The following NKAIN3 variants were observed in gnomAD, a reference collection of about 807,000 sequenced individuals.
The protein encoded by NKAIN3 is sodium/potassium transporting ATPase interacting 3, also known as sodium/potassium-transporting ATPase subunit beta-1-interacting protein 3.
A neutral mutation model predicts 30.2 loss-of-function variants in NKAIN3; 25 were observed. The observed-to-expected ratio is 0.83, with a 90% CI of 0.60 to 1.16. The LOEUF (loss-of-function observed/expected upper bound fraction) is 1.16. NKAIN3 is among the 50% of genes most tolerant of loss of function. The pLI is 0.00. For synonymous variants in NKAIN3, 91 were observed against 89.6 expected (o/e 1.02, Z -0.09); for missense variants, 225 against 254.1 (o/e 0.89, Z 0.78).
At chr8:62,499,750 A>G (rs1807359858) in intron 1 of NKAIN3, among the ~76,000 whole-genome samples, 1 of 152,112 alleles carries the variant, frequency 6.6e-6, no homozygotes, top group Non-Finnish European at 1.5e-5. Flanking sequence ...CCATCCCACT[A>G]ATAAAACCTT....
intron 4 of NKAIN3, among the ~76,000 whole-genome samples, chr8:62,900,345 G>A (rs562153793): frequency 5.1e-4 from 78 of 152,288 alleles, no homozygotes; most frequent in Non-Finnish European, 9.7e-4. Context: ...TTCTAAGAAA[G>A]GATTACTCTG....
intron 3 of NKAIN3, among the ~76,000 whole-genome samples, chr8:62,656,190 T>G (rs1812759298): frequency 1.3e-5 from 2 of 152,136 alleles, no homozygotes; most frequent in African/African-American, 4.8e-5. Context: ...CTAATATTGA[T>G]TCACTCTTCA....
At chr8:62,609,976 G>A (rs746342412) in intron 3 of NKAIN3, among the ~76,000 whole-genome samples, 7 of 152,082 alleles carry the variant, frequency 4.6e-5, no homozygotes, top group South Asian at 2.1e-4. Context: ...GGGGACTGAC[G>A]GGATCAGAAA....
intron 1 of NKAIN3, among the ~76,000 whole-genome samples, chr8:62,321,300 A>G (rs1585677143): frequency 6.6e-6 from 1 of 152,068 alleles, no homozygotes; most frequent in African/African-American, 2.4e-5. Flanking sequence ...AGCTCAGAGA[A>G]GTTTGATCAT....
At chr8:62,736,982 G>T (rs1159434035) in intron 3 of NKAIN3, among the ~76,000 whole-genome samples, 1 of 152,166 alleles carries the variant, frequency 6.6e-6, no homozygotes, top group Non-Finnish European at 1.5e-5. Context: ...AGGTTCCCCA[G>T]TGAGGATGTG....
At chr8:62,998,103 T>A (rs1804162778) in intron 5 of NKAIN3, among the ~76,000 whole-genome samples, 1 of 152,234 alleles carries the variant, frequency 6.6e-6, no homozygotes, top group South Asian at 2.1e-4. Flanking sequence ...GCTCAGAGAC[T>A]TTACATCCCC....
At chr8:62,325,001 A>G (rs1323707515) in intron 1 of NKAIN3, among the ~76,000 whole-genome samples, 4 of 152,014 alleles carry the variant, frequency 2.6e-5, no homozygotes, top group African/African-American at 9.7e-5. Context: ...TTATTTCAAT[A>G]CTTTTTGGGG....
intron 1 of NKAIN3, among the ~76,000 whole-genome samples, chr8:62,516,893 A>T (rs1808008575): frequency 6.6e-6 from 1 of 151,970 alleles, no homozygotes; most frequent in African/African-American, 2.4e-5. Context: ...TGTGCATTTG[A>T]TCTCCACCCC....
At chr8:62,818,104 A>G (rs1818741034) in intron 4 of NKAIN3, among the ~76,000 whole-genome samples, 1 of 152,184 alleles carries the variant, frequency 6.6e-6, no homozygotes, top group Admixed American at 6.6e-5. Context: ...GCCTGGATAT[A>G]CATACACACA....
intron 2 of NKAIN3, among the ~76,000 whole-genome samples, chr8:62,584,299 C>T (rs1350921041): frequency 6.6e-6 from 1 of 152,182 alleles, no homozygotes; most frequent in African/African-American, 2.4e-5. Context: ...GTGCTAAGTG[C>T]TCACGCAGAG....
chr8:62,996,415 TG>T (rs752913238), intron 5 of NKAIN3, among the ~76,000 whole-genome samples: 5 of 152,048 alleles, frequency 3.3e-5, no homozygotes, highest in African/African-American at 4.8e-5. Context: ...CCTCGACACT[TG>T]GGGATTACAA....
At chr8:62,931,594 C>T (rs10089287) in intron 5 of NKAIN3, among the ~76,000 whole-genome samples, 13,710 of 152,166 alleles carry the variant, frequency 0.09, 651 homozygotes, top group South Asian at 0.15. Flanking sequence ...CAGGAATTTT[C>T]GGCAGGGAAG....
At chr8:62,933,739 T>C (rs1180188540) in intron 5 of NKAIN3, among the ~76,000 whole-genome samples, 2 of 152,180 alleles carry the variant, frequency 1.3e-5, no homozygotes, top group East Asian at 3.8e-4. Context: ...AAGCCAGAAG[T>C]ACAGTCAAAT....
chr8:62,428,053 T>G (rs1030667284), intron 1 of NKAIN3, among the ~76,000 whole-genome samples: 2 of 151,916 alleles, frequency 1.3e-5, no homozygotes, highest in Non-Finnish European at 2.9e-5. Context: ...CTCCAGGAGA[T>G]TATTTTTTTT....
chr8:62,884,966 A>C (rs1821100624), intron 4 of NKAIN3, among the ~76,000 whole-genome samples: 2 of 149,152 alleles, frequency 1.3e-5, no homozygotes, highest in African/African-American at 4.9e-5. Context: ...TTCTCTACTG[A>C]TTTTTTCCAA....
At chr8:62,624,872 C>T (rs1288456989) in intron 3 of NKAIN3, among the ~76,000 whole-genome samples, 3 of 151,026 alleles carry the variant, frequency 2.0e-5, no homozygotes, top group Admixed American at 2.0e-4. Flanking sequence ...ATTATTTTCT[C>T]ATCAGTATCC....
At chr8:62,954,395 C>T (rs1166840659) in intron 6 of NKAIN3, among the ~76,000 whole-genome samples, 1 of 152,108 alleles carries the variant, frequency 6.6e-6, no homozygotes, top group Admixed American at 6.6e-5. Context: ...TATCACCATA[C>T]TATGGTTTCA....
Position 62,983,809 on chromosome 8 carries a change from A to C in NKAIN3, c.*18402A>C, listed in dbSNP as rs1824142482. On this transcript the variant is annotated 3_prime_UTR_variant, in exon 7 of 7. Transcript: ENST00000623646. ...GACAGACCTCTGAATTTGCATTAAA[A>C]AGAGCACGTCTACAGCTCCTAACAA... 6.6e-6 allele frequency: 1 copy of C among 152,220 alleles called. No homozygotes were observed. Among genetic ancestry groups the C allele is most frequent in the African/African-American group, 2.4e-5 (1 of 41,460 alleles). 9.4% of individuals were successfully genotyped at this position (152,220 alleles called of 1,614,324 possible). A position where few individuals can be genotyped will look rare whatever the true frequency, so the allele number is the denominator to read the frequency against.
chr8:62,921,133 A>T (rs1487943949), intron 5 of NKAIN3, among the ~76,000 whole-genome samples: 1 of 152,188 alleles, frequency 6.6e-6, no homozygotes, highest in African/African-American at 2.4e-5. Context: ...CTCAGTGAGG[A>T]AGACATGTCC....
Sources: allele counts gnomAD v4.1 joint callset (sites outside exome capture counted in the v4.1 genomes callset), GRCh38; gene constraint gnomAD v4.1.1; transcripts MANE v1.5; gene names NCBI Gene and HGNC (gene_info 2026-07-23, HGNC 2026-07-21).